The following LRP4 variants were observed in gnomAD, a reference collection of about 807,000 sequenced individuals.
The protein encoded by LRP4 is LDL receptor related protein 4, also known as low-density lipoprotein receptor-related protein 4.
LRP4 carries 95 observed loss-of-function variants against 220.3 expected under a neutral mutation model. The observed-to-expected ratio is 0.43, with a 90% CI of 0.37 to 0.51. LRP4 has a LOEUF of 0.51. Among genes scored for constraint, LRP4 ranks in the 20% least tolerant of loss-of-function variants. The pLI is 0.00. For synonymous variants in LRP4, 903 were observed against 954.6 expected (o/e 0.95, Z 1.00); for missense variants, 1,925 against 2,567.0 (o/e 0.75, Z 5.40).
intron 23 of LRP4, 96 bp from the exon 24 acceptor site, chr11:46,876,926 G>T: frequency 9.9e-7 from 1 of 1,009,110 alleles, no homozygotes; most frequent in South Asian, 1.3e-5. Context: ...GCATGTCAGA[G>T]AGCTCTGGAG....
rs1157887056 is a variant in LRP4, at chr11:46,895,264, T to C, written c.1211A>G (p.Tyr404Cys). Reference sequence around the variant, plus strand: ...GCTGTTGGTGCAGCCCTGGCTGCAATACCCCTCCTCGGCACATTCATTCAC... The same window carrying C: ...GCTGTTGGTGCAGCCCTGGCTGCAACACCCCTCCTCGGCACATTCATTCAC... The part of the protein sequence containing the change: ...QDVNECAEEG[Y>C]CSQGCTNSEG... The change falls in exon 11 of 38, where the codon TAT becomes TGT. Residue 404 changes from tyrosine (Y) to cysteine (C), a missense_variant. By Grantham distance (194) the Tyr-to-Cys change is radical. This residue lies in a region of LRP4 where 269 missense variants were observed against 436.7 expected (regional missense o/e 0.62). Transcript: ENST00000378623. The C allele has an allele frequency of 1.2e-6, 2 of 1,613,820 alleles. No homozygotes were observed. The highest frequency in any genetic ancestry group is 1.7e-6 in the Non-Finnish European group (2 of 1,180,004).
chr11:46,893,177 C>T (rs1205429731), intron 12 of LRP4, 48 bp from the exon 13 acceptor site: 3 of 1,611,518 alleles, frequency 1.9e-6, no homozygotes, highest in Non-Finnish European at 2.5e-6. Context: ...ACCCAGGCCC[C>T]CATGTCCCAT....
chr11:46,889,721 G>T, intron 15 of LRP4, 188 bp from the exon 16 acceptor site: 1 of 864,922 alleles, frequency 1.2e-6, no homozygotes, highest in Non-Finnish European at 1.8e-6. Flanking sequence ...GTAAATGTCT[G>T]CCTGAATTAG....
chr11:46,868,907 G>C (rs921337220), intron 32 of LRP4, 81 bp downstream of exon 32: 29 of 1,581,846 alleles, frequency 1.8e-5, no homozygotes, highest in Non-Finnish European at 2.3e-5. Flanking sequence ...GGCCCTAACT[G>C]TCTTGGTCCC....
At chr11:46,882,917 C>T (rs537183444) in intron 19 of LRP4, among the ~76,000 whole-genome samples, 13 of 152,024 alleles carry the variant, frequency 8.6e-5, no homozygotes, top group South Asian at 2.1e-4. Flanking sequence ...TGGAAAGACA[C>T]ACAAGATATA....
Position 46,858,134 on chromosome 11 carries a change from C to T in LRP4, c.*849G>A, listed in dbSNP as rs1422155137. ...CAGAGACTCAGCCCCCAAGGCCTAA[C>T]ATTCACTCAAGCCACTGGCTCACAA... is the stretch of plus-strand genomic sequence containing the variant. On this transcript the variant is annotated 3_prime_UTR_variant, in exon 38 of 38. Transcript: ENST00000378623. 1 of 152,400 alleles carries T rather than the reference C, an allele frequency of 6.6e-6. No individual in the cohort carries two copies. The highest frequency in any genetic ancestry group is 1.5e-5 in the Non-Finnish European group (1 of 68,212). 9.4% of individuals were successfully genotyped at this position (152,400 alleles called of 1,614,324 possible).
intron 30 of LRP4, among the ~76,000 whole-genome samples, chr11:46,872,465 C>G (rs764023448): frequency 2.0e-5 from 3 of 152,086 alleles, no homozygotes; most frequent in Non-Finnish European, 4.4e-5. Flanking sequence ...GAGCCTGGGT[C>G]GGGCGTGGTG....
In LRP4 at chr11:46,893,071, C is replaced by T. The variant is rs745607132; in HGVS notation, c.1599G>A (p.Ser533=). ...CATCCAGATTGGCCACCTCAATCCT[C>T]GAGGTGCCTGAGTCGGTCCAGTAGA... The part of the protein sequence containing the change: ...DKLYWTDSGT[S]RIEVANLDGA... The change falls in exon 13 of 38, where the codon TCG becomes TCA. Residue 533 remains serine (S), a synonymous_variant. Coordinates refer to ENST00000378623, the MANE Select transcript of LRP4 (RefSeq NM_002334.4). 4 of 1,614,024 alleles carry T rather than the reference C, an allele frequency of 2.5e-6. No individual in the cohort carries two copies. The highest frequency in any genetic ancestry group is 1.7e-5 in the Admixed American group (1 of 59,998).
rs1427457745 is a variant in LRP4, at chr11:46,875,900, G to T, written c.3603C>A (p.Asp1201Glu). Residue 1201 changes from aspartate to glutamate, a missense_variant, in exon 26 of 38, where the codon GAC becomes GAA. This residue lies in a region of LRP4 where 1,244 missense variants were observed against 1,624.9 expected (regional missense o/e 0.77). Transcript: ENST00000378623. This position sits in a 1 kb window ranked among gnomAD's most constrained non-coding sequence, Gnocchi z 4.5. ...KLERSGMDGS[D>E]RAVLINNNLG... The stretch of plus-strand genomic sequence containing the variant: ...GGTTGTTGTTGATGAGCACCGCGCG[G>T]TCTGAGCCATCCATTCCGGACCGCT... 6.2e-7 allele frequency: 1 copy of T among 1,614,010 alleles called. No individual in the cohort carries two copies. Among genetic ancestry groups the T allele is most frequent in the African/African-American group, 1.3e-5 (1 of 74,894 alleles).
chr11:46,908,189 C>T (rs982648189), intron 1 of LRP4, among the ~76,000 whole-genome samples: 3 of 152,146 alleles, frequency 2.0e-5, no homozygotes, highest in African/African-American at 7.2e-5. Context: ...CTCGGCCTCC[C>T]AAAGTGCTGG....
chr11:46,905,007 C>T (rs1344288380), intron 1 of LRP4, among the ~76,000 whole-genome samples: 1 of 140,180 alleles, frequency 7.1e-6, no homozygotes, highest in African/African-American at 2.6e-5. Context: ...AAAAAAGATG[C>T]AGGATTTCCT....
chr11:46,871,811 C>G (rs1436909611), intron 30 of LRP4, among the ~76,000 whole-genome samples, 178 bp from the exon 31 acceptor site: 3 of 152,128 alleles, frequency 2.0e-5, no homozygotes, highest in Non-Finnish European at 4.4e-5. Flanking sequence ...GCTGGTGGTT[C>G]ATGAGTGGGG....
rs773212025 is a variant in LRP4, at chr11:46,893,125, G to T, written c.1545C>A (p.Gly515=). ...VVSTGLESPG[G]LAVDWVHDKL... is the part of the protein sequence containing the mutation. ...TGTCATGGACCCAATCCACAGCCAG[G>T]CCCCCTGGTGAGAAGCAGCAGCAAA... The change falls in exon 13 of 38, where the codon GGC becomes GGA. Residue 515 remains glycine (G), a synonymous_variant. Coordinates refer to ENST00000378623, the MANE Select transcript of LRP4 (RefSeq NM_002334.4). 1.2e-6 allele frequency: 2 copies of T among 1,614,130 alleles called. No individual in the cohort carries two copies. Among genetic ancestry groups the T allele is most frequent in the South Asian group, 1.1e-5 (1 of 91,084 alleles).
chr11:46,859,088 A>G lies in LRP4; in HGVS notation c.5613T>C (p.Ser1871=), dbSNP rs1940462523. 6.2e-7 allele frequency: 1 copy of G among 1,614,130 alleles called. No homozygotes were observed. Among genetic ancestry groups the G allele is most frequent in the Admixed American group, 1.7e-5 (1 of 60,016 alleles). Residue 1871 remains serine, a synonymous_variant, in exon 38 of 38, where the codon TCT becomes TCC. Transcript: ENST00000378623. The part of the protein sequence containing the change: ...ETEQLLQEEQ[S]ECSSVHTAAT... Reference sequence around the variant, plus strand: ...CTGCAGTATGGACGCTGCTACACTCAGACTGCTCTTCCTGTAACAGCTGCT... The same window carrying G: ...CTGCAGTATGGACGCTGCTACACTCGGACTGCTCTTCCTGTAACAGCTGCT...
chr11:46,868,843 C>T (rs980915684), intron 32 of LRP4, 130 bp from the exon 33 acceptor site: 17 of 1,284,210 alleles, frequency 1.3e-5, no homozygotes, highest in African/African-American at 1.3e-4. Context: ...GATACAACCG[C>T]GAGGGAGTAA....
intron 1 of LRP4, among the ~76,000 whole-genome samples, chr11:46,913,930 A>C (rs1408083448): frequency 4.6e-5 from 7 of 152,170 alleles, no homozygotes; most frequent in Admixed American, 4.6e-4. Context: ...TCTTTAAAAG[A>C]GACAAGCAAA....
chr11:46,882,901 C>T (rs905711456), intron 19 of LRP4, among the ~76,000 whole-genome samples: 11 of 151,762 alleles, frequency 7.2e-5, no homozygotes, highest in Admixed American at 7.2e-4. Flanking sequence ...GATCTATACA[C>T]TCAACTGGAA....
intron 13 of LRP4, among the ~76,000 whole-genome samples, chr11:46,892,223 G>A (rs1941438832): frequency 6.6e-6 from 1 of 152,138 alleles, no homozygotes; most frequent in Non-Finnish European, 1.5e-5. Flanking sequence ...GTGAGCCACT[G>A]TGCCCGGCCC....
chr11:46,878,649 G>A (rs1238189433), intron 22 of LRP4, among the ~76,000 whole-genome samples: 1 of 152,136 alleles, frequency 6.6e-6, no homozygotes, highest in African/African-American at 2.4e-5. Flanking sequence ...TCTTGAGAAA[G>A]GAGCATCTTT....
Sources: allele counts gnomAD v4.1 joint callset (sites outside exome capture counted in the v4.1 genomes callset), GRCh38; gene constraint gnomAD v4.1.1; regional missense constraint gnomAD v4.1.1; non-coding constraint Gnocchi (gnomAD v3.1); transcripts MANE v1.5; gene names NCBI Gene and HGNC (gene_info 2026-07-23, HGNC 2026-07-21).